The following BTBD3 variants were observed in gnomAD, a reference collection of about 807,000 sequenced individuals.
The protein encoded by BTBD3 is BTB/POZ domain-containing protein 3.
BTBD3 carries 14 observed loss-of-function variants against 41.6 expected under a neutral mutation model. The ratio of observed to expected loss-of-function variants is 0.34; its 90% CI spans 0.22 to 0.53. The LOEUF is 0.53. Among genes scored for constraint, BTBD3 ranks in the 20% least tolerant of loss-of-function variants. BTBD3 has a pLI of 0.95. For synonymous variants in BTBD3, 249 were observed against 233.7 expected (o/e 1.07, Z -0.60); for missense variants, 426 against 654.7 (o/e 0.65, Z 3.81).
chr20:11,918,493 C>A lies in BTBD3; in HGVS notation c.218C>A (p.Ala73Asp), dbSNP rs908302383. 1 of 1,614,164 alleles carries A rather than the reference C, an allele frequency of 6.2e-7. No homozygotes were observed. The highest frequency in any genetic ancestry group is 8.5e-7 in the Non-Finnish European group (1 of 1,180,014). The change falls in exon 1 of 4, where the codon GCC (alanine) becomes GAC (aspartate). Residue 73 changes from alanine (A) to aspartate (D), a missense_variant. Ala to Asp is a moderately radical substitution (Grantham distance 126, BLOSUM62 -2). Transcript: ENST00000378226. ...AADIFPRKKP[A>D]NSSSTSVQQY... ...GATATATTCCCCCGTAAAAAGCCAGCCAACTCCAGCAGCACCAGCGTCCAG... is the reference window on the plus strand; with the variant it reads ...GATATATTCCCCCGTAAAAAGCCAGACAACTCCAGCAGCACCAGCGTCCAG...
At chr20:11,915,259 C>CCTCTCAGTT (rs1417006315), upstream of BTBD3, among the ~76,000 whole-genome samples, 1 of 152,038 alleles carries the variant, frequency 6.6e-6, no homozygotes, top group African/African-American at 2.4e-5. Flanking sequence ...TATCTTGGTC[C>CCTCTCAGTT]CTCTCAGTTG....
At chr20:11,892,019 C>G (rs969391730) in intron 1 of BTBD3, among the ~76,000 whole-genome samples, 4 of 152,084 alleles carry the variant, frequency 2.6e-5, no homozygotes, top group Admixed American at 1.3e-4. Context: ...TTTGGAAACA[C>G]TGGTTTAATA....
At chr20:11,909,639 C>T (rs1034702533) in intron 1 of BTBD3, 2 of 152,112 alleles carry the variant, frequency 1.3e-5, no homozygotes, top group Non-Finnish European at 1.5e-5. Flanking sequence ...ATATTTCATT[C>T]TGGTCGCATA....
In BTBD3 at chr20:11,918,070, G is replaced by T. The variant is rs1213079731; in HGVS notation, c.-206G>T. 7.5e-7 allele frequency: 1 copy of T among 1,325,646 alleles called. No individual in the cohort carries two copies. Among genetic ancestry groups the T allele is most frequent in the Non-Finnish European group, 9.6e-7 (1 of 1,044,146 alleles). The allele number at this position is 1,325,646 out of a possible 1,614,324, so 82.1% of individuals were successfully genotyped here. On this transcript the variant is annotated 5_prime_UTR_variant, in exon 1 of 4. Transcript: ENST00000378226. Reference sequence around the variant, plus strand: ...TAAGAGAAACAGGAATCATGATGGGGATATATTTAACAGACCCAGTACTGG... The same window carrying T: ...TAAGAGAAACAGGAATCATGATGGGTATATATTTAACAGACCCAGTACTGG...
At chr20:11,910,088 T>C (rs1327547880) in intron 1 of BTBD3, 1 of 152,166 alleles carries the variant, frequency 6.6e-6, no homozygotes, top group East Asian at 1.9e-4. Context: ...GATTCTTTCT[T>C]CCCGTCCCAT....
intron 1 of BTBD3, among the ~76,000 whole-genome samples, chr20:11,905,934 T>C (rs1310213797): frequency 6.6e-6 from 1 of 152,176 alleles, no homozygotes; most frequent in East Asian, 1.9e-4. Context: ...CTTAAAAGGC[T>C]TCATACTTTT....
At chr20:11,896,391 C>T (rs1483737631) in intron 1 of BTBD3, among the ~76,000 whole-genome samples, 5 of 152,076 alleles carry the variant, frequency 3.3e-5, no homozygotes, top group African/African-American at 1.2e-4. Flanking sequence ...TGTATGTTCC[C>T]AAGTTATATG....
At chr20:11,921,725 T>G (rs1296624790) in intron 3 of BTBD3, 1 of 152,244 alleles carries the variant, frequency 6.6e-6, no homozygotes, top group South Asian at 2.1e-4. Context: ...TACTTTCTTA[T>G]AGAAGCTGTT....
intron 1 of BTBD3, among the ~76,000 whole-genome samples, chr20:11,893,762 TATC>T (rs1163799427): frequency 6.6e-6 from 1 of 152,236 alleles, no homozygotes; most frequent in Admixed American, 6.5e-5. Context: ...ATCACCGTCA[TATC>T]ATCTAAAAAG....
chr20:11,918,736 T>G (rs1308665309), intron 1 of BTBD3, 135 bp downstream of exon 1: 12 of 997,496 alleles, frequency 1.2e-5, no homozygotes, highest in Non-Finnish European at 1.7e-5. Flanking sequence ...AATGGAAAAT[T>G]GCCTTGTATC....
At chr20:11,891,528 C>G (rs987976065) in intron 1 of BTBD3, 1 of 152,228 alleles carries the variant, frequency 6.6e-6, no homozygotes, top group Non-Finnish European at 1.5e-5. Context: ...CCGCGGGAAC[C>G]CAGCGAGTGG....
rs1375435032 is a variant in BTBD3 at position 11,926,050 on chromosome 20, C to A, written c.*2384C>A. Reference sequence around the variant, plus strand: ...AACCCTATTGTCCTTTATGCATTTTCAATGAAATGGAATGAAGGCTAATAT... The same window carrying A: ...AACCCTATTGTCCTTTATGCATTTTAAATGAAATGGAATGAAGGCTAATAT... On this transcript the variant is annotated 3_prime_UTR_variant, in exon 4 of 4. Coordinates refer to ENST00000378226, the MANE Select transcript of BTBD3 (RefSeq NM_014962.4). The A allele has an allele frequency of 6.6e-6, 1 of 152,086 alleles. No individual in the cohort carries two copies. The highest frequency in any genetic ancestry group is 1.5e-5 in the Non-Finnish European group (1 of 68,018). The allele number at this position is 152,086 out of a possible 1,614,324, so 9.4% of individuals were successfully genotyped here. A position where few individuals can be genotyped will look rare whatever the true frequency, so the allele number is the denominator to read the frequency against.
chr20:11,919,228 C>G (rs1215690046), intron 2 of BTBD3, 52 bp downstream of exon 2: 2 of 1,533,760 alleles, frequency 1.3e-6, no homozygotes, highest in East Asian at 2.3e-5. Flanking sequence ...AAAGAGGGAC[C>G]CTTTCCATAA....
At chr20:11,897,594 T>G (rs1232490) in intron 1 of BTBD3, among the ~76,000 whole-genome samples, 1 of 151,382 alleles carries the variant, frequency 6.6e-6, no homozygotes, top group Non-Finnish European at 1.5e-5. Context: ...GTCTTCAAAA[T>G]GTATCCAGAA....
chr20:11,906,937 C>CT (rs1372911577), intron 1 of BTBD3, among the ~76,000 whole-genome samples: 8 of 151,980 alleles, frequency 5.3e-5, no homozygotes, highest in South Asian at 2.1e-4. Context: ...TTTAATTATC[C>CT]TTTTTTTTGG....
chr20:11,893,684 T>C (rs2056769690), intron 1 of BTBD3, among the ~76,000 whole-genome samples: 1 of 152,102 alleles, frequency 6.6e-6, no homozygotes, highest in Non-Finnish European at 1.5e-5. Context: ...TTTTAAAAAA[T>C]TAAATAAAAA....
At chr20:11,910,268 A>G (rs1009106512) in intron 1 of BTBD3, 1 of 152,198 alleles carries the variant, frequency 6.6e-6, no homozygotes. Context: ...AGTAAAACAT[A>G]TCTTTGGAAA....
rs2056984777 is a variant in BTBD3, at chr20:11,923,058, C to T, written c.961C>T (p.Arg321Cys). The T allele has an allele frequency of 1.2e-6, 2 of 1,614,036 alleles. No homozygotes were observed. The highest frequency in any genetic ancestry group is 1.7e-6 in the Non-Finnish European group (2 of 1,180,052). The change falls in exon 4 of 4, where the codon CGC (arginine) becomes TGC (cysteine). Residue 321 changes from arginine to cysteine, a missense_variant. Coordinates refer to ENST00000378226, the MANE Select transcript of BTBD3 (RefSeq NM_014962.4). The surrounding 1 kb of genome is among the most constrained non-coding windows in gnomAD (Gnocchi z 5.3). ...TCTAGGAAAGGCACTTTACTTGATC[C>T]GCATACCCACAATGGCCCTCGATGA... ...KVLGKALYLIRIPTMALDDFA... is the reference protein window; with the variant it reads ...KVLGKALYLICIPTMALDDFA...
rs2056997664 is a variant in BTBD3 at position 11,924,137 on chromosome 20, A to G, written c.*471A>G. On this transcript the variant is annotated 3_prime_UTR_variant, in exon 4 of 4. Transcript: ENST00000378226. ...AAGAAGTTTTGCCTTGTAATGAGTAATAATTTAGAAAGTAGACAGTGGTTG... is the reference window on the plus strand; with the variant it reads ...AAGAAGTTTTGCCTTGTAATGAGTAGTAATTTAGAAAGTAGACAGTGGTTG... 1 of 154,066 alleles carries G rather than the reference A, an allele frequency of 6.5e-6. No individual in the cohort carries two copies. Among genetic ancestry groups the G allele is most frequent in the South Asian group, 2.0e-4 (1 of 4,922 alleles). 9.5% of individuals were successfully genotyped at this position (154,066 alleles called of 1,614,324 possible).
Sources: allele counts gnomAD v4.1 joint callset (sites outside exome capture counted in the v4.1 genomes callset), GRCh38; gene constraint gnomAD v4.1.1; non-coding constraint Gnocchi (gnomAD v3.1); transcripts MANE v1.5; gene names NCBI Gene and HGNC (gene_info 2026-07-23, HGNC 2026-07-21).